NSUN3: variants seen among roughly 807,000 people sequenced by gnomAD.
NSUN3 encodes tRNA (cytosine(34)-C(5))-methyltransferase, mitochondrial.
Under a neutral mutation model 36.8 loss-of-function variants are expected in NSUN3, and 24 were observed. That is an observed-to-expected ratio of 0.65 (90% CI 0.47 to 0.92). NSUN3 has a LOEUF of 0.92. NSUN3 is among the 40% of genes least tolerant of loss of function. NSUN3 has a pLI of 0.00. For missense variants in NSUN3, 381 were observed against 392.8 expected, an observed-to-expected ratio of 0.97 and a Z score of 0.25; for synonymous variants, 146 against 145.2, an observed-to-expected ratio of 1.01 and a Z score of -0.04.
chr3:94,086,018 A>C (rs898459927), intron 3 of NSUN3, among the ~76,000 whole-genome samples: 35 of 148,496 alleles, frequency 2.4e-4, no homozygotes, highest in South Asian at 6.4e-4. Context: ...ATATCAGCTC[A>C]CTCCAACCTC....
chr3:94,125,101 A>G (rs1292118419), intron 5 of NSUN3, among the ~76,000 whole-genome samples: 1 of 152,114 alleles, frequency 6.6e-6, no homozygotes, highest in East Asian at 1.9e-4. Flanking sequence ...TCTCTTCTTG[A>G]TCCTTTTTCA....
At chr3:94,122,536 C>T (rs2077468071) in intron 5 of NSUN3, among the ~76,000 whole-genome samples, 1 of 152,208 alleles carries the variant, frequency 6.6e-6, no homozygotes, top group African/African-American at 2.4e-5. Context: ...CCTGCAATCT[C>T]ACACTGTACT....
At chr3:94,072,323 G>A (rs2077227597) in intron 2 of NSUN3, among the ~76,000 whole-genome samples, 1 of 152,150 alleles carries the variant, frequency 6.6e-6, no homozygotes, top group Non-Finnish European at 1.5e-5. Context: ...CTGCGTACTA[G>A]CAATGTGACC....
intron 2 of NSUN3, among the ~76,000 whole-genome samples, chr3:94,070,247 A>G (rs1287386119): frequency 6.6e-6 from 1 of 152,120 alleles, no homozygotes; most frequent in Non-Finnish European, 1.5e-5. Flanking sequence ...AGATTGCTTG[A>G]GGACAAGAGT....
At chr3:94,084,637 G>T in intron 3 of NSUN3, 187 bp downstream of exon 3, 2 of 493,778 alleles carry the variant, frequency 4.1e-6, no homozygotes, top group Non-Finnish European at 7.1e-6. Flanking sequence ...ATTTTTTTCA[G>T]CAATTTAATT....
At chr3:94,075,743 A>G (rs998313155) in intron 2 of NSUN3, among the ~76,000 whole-genome samples, 4 of 147,190 alleles carry the variant, frequency 2.7e-5, no homozygotes, top group Non-Finnish European at 3.0e-5. Flanking sequence ...CCCCCCCCCA[A>G]TAATATTTAG....
In NSUN3 at chr3:94,130,973, T is replaced by G. The variant is rs2077506819; in HGVS notation, c.*4483T>G. Among the ~76,000 whole-genome samples, 1 of 151,962 alleles carries G rather than the reference T, an allele frequency of 6.6e-6. No individual in the cohort carries two copies. The highest frequency in any genetic ancestry group is 2.4e-5 in the African/African-American group (1 of 41,336). On this transcript the variant is annotated 3_prime_UTR_variant, in exon 6 of 6. Coordinates refer to ENST00000314622, the MANE Select transcript of NSUN3 (RefSeq NM_022072.5). ...CCCCAACCCAGCTAGAGTGCAGTGG[T>G]GTCATCATGGCTCACTGCAGCCTCG... is the stretch of plus-strand genomic sequence containing the variant.
rs2077505621 is a variant in NSUN3 at position 94,130,598 on chromosome 3, G to A, written c.*4108G>A. On this transcript the variant is annotated 3_prime_UTR_variant, in exon 6 of 6. Coordinates refer to ENST00000314622, the MANE Select transcript of NSUN3 (RefSeq NM_022072.5). ...AACATGTTATTTTCTTAGATCACTGGTTTCTCAGAACATGTCTTTCTGCAT... is the reference window on the plus strand; with the variant it reads ...AACATGTTATTTTCTTAGATCACTGATTTCTCAGAACATGTCTTTCTGCAT... Among the ~76,000 whole-genome samples the A allele has an allele frequency of 6.6e-6, 1 of 152,084 alleles. No individual in the cohort carries two copies. The highest frequency in any genetic ancestry group is 6.6e-5 in the Admixed American group (1 of 15,260).
At chr3:94,094,898 A>G (rs2077331123) in intron 4 of NSUN3, 135 bp from the exon 5 acceptor site, 1 of 864,766 alleles carries the variant, frequency 1.2e-6, no homozygotes, top group Non-Finnish European at 1.8e-6. Context: ...ACTGTGGTGT[A>G]TTTTCAGTTA....
chr3:94,121,076 A>G (rs1043939056), intron 5 of NSUN3, among the ~76,000 whole-genome samples: 1 of 152,174 alleles, frequency 6.6e-6, no homozygotes, highest in African/African-American at 2.4e-5. Context: ...GCTGTTAACA[A>G]TTTGCCACAA....
chr3:94,107,206 C>T (rs933034521), intron 5 of NSUN3, among the ~76,000 whole-genome samples: 3 of 151,848 alleles, frequency 2.0e-5, no homozygotes, highest in Admixed American at 6.6e-5. Context: ...TCTGGGATTA[C>T]GGGCATGAAT....
intron 2 of NSUN3, among the ~76,000 whole-genome samples, chr3:94,080,945 C>T (rs923322840): frequency 6.6e-6 from 1 of 152,130 alleles, no homozygotes; most frequent in Non-Finnish European, 1.5e-5. Context: ...CTTCAGGCGC[C>T]ACTGGGGTAT....
chr3:94,114,669 G>A (rs1271764121), intron 5 of NSUN3, among the ~76,000 whole-genome samples: 1 of 152,164 alleles, frequency 6.6e-6, no homozygotes, highest in Non-Finnish European at 1.5e-5. Context: ...TTACACGGAT[G>A]TGTTGCGTGA....
At chr3:94,076,440 C>A in intron 2 of NSUN3, 1 of 790,574 alleles carries the variant, frequency 1.3e-6, no homozygotes, top group Non-Finnish European at 2.3e-6. Flanking sequence ...TGATGATCAG[C>A]AACTGACCCA....
intron 5 of NSUN3, among the ~76,000 whole-genome samples, chr3:94,112,075 G>A (rs533024376): frequency 6.6e-6 from 1 of 152,212 alleles, no homozygotes; most frequent in South Asian, 2.1e-4. Context: ...GCCATCTGCT[G>A]GAGAATTCCA....
At chr3:94,093,266 A>T (rs1165948619) in intron 3 of NSUN3, among the ~76,000 whole-genome samples, 1 of 151,822 alleles carries the variant, frequency 6.6e-6, no homozygotes, top group Non-Finnish European at 1.5e-5. Context: ...GTAACTGGGC[A>T]TGTCCCTGTG....
rs1383706626 is a variant in NSUN3 at position 94,128,880 on chromosome 3, CAT to C, written c.*2393_*2394del. 6.6e-6 allele frequency among the ~76,000 whole-genome samples: 1 copy of C among 152,078 alleles called. No individual in the cohort carries two copies. Among genetic ancestry groups the C allele is most frequent in the African/African-American group, 2.4e-5 (1 of 41,426 alleles). On this transcript the variant is annotated 3_prime_UTR_variant, in exon 6 of 6. Transcript: ENST00000314622. Reference sequence around the variant, plus strand: ...AGAAGACATTCACATGGCCAACAAACATATGAAAAAGTGCTCTTCATCACTAA... The same window carrying C: ...AGAAGACATTCACATGGCCAACAAACATGAAAAAGTGCTCTTCATCACTAA...
intron 5 of NSUN3, among the ~76,000 whole-genome samples, chr3:94,102,835 A>G (rs1318554045): frequency 2.6e-5 from 4 of 152,102 alleles, no homozygotes; most frequent in South Asian, 2.1e-4. Flanking sequence ...ATAAGATGTT[A>G]TCAGCATTTA....
intron 5 of NSUN3, among the ~76,000 whole-genome samples, chr3:94,124,148 C>CTTTTTTTTTTTTTTTTTTTTTTTTTTT (rs58987431): frequency 1.1e-5 from 1 of 88,186 alleles, no homozygotes. Flanking sequence ...TATTTTATTT[C>CTTTTTTTTTTTTTTTTTTTTTTTTTTT]TTTTTTTTTT....
Sources: gnomAD v4.1 joint callset for allele counts (sites outside exome capture counted in the v4.1 genomes callset) on GRCh38, gnomAD v4.1.1 for gene constraint, MANE v1.5 for transcripts, NCBI Gene and HGNC (gene_info 2026-07-23, HGNC 2026-07-21) for gene names.